The following SHROOM4 variants were observed in gnomAD, a reference collection of about 807,000 sequenced individuals.
SHROOM4 encodes shroom family member 4.
A neutral mutation model predicts 80.3 loss-of-function variants in SHROOM4; 17 were observed. The ratio of observed to expected loss-of-function variants is 0.21; its 90% CI spans 0.14 to 0.32. The LOEUF (loss-of-function observed/expected upper bound fraction) is 0.32. Among genes scored for constraint, SHROOM4 ranks in the 10% least tolerant of loss-of-function variants. The pLI, the probability that SHROOM4 is intolerant of heterozygous loss-of-function variation, is 1.00. For synonymous variants in SHROOM4, 400 were observed against 437.5 expected (o/e 0.91, Z 1.07); for missense variants, 993 against 1,140.3 (o/e 0.87, Z 1.86).
intron 1 of SHROOM4, among the ~76,000 whole-genome samples, chrX:50,708,520 T>C (rs1933732751): frequency 8.9e-6 from 1 of 112,334 alleles, no homozygotes; most frequent in Non-Finnish European, 1.9e-5. Context: ...TTTCAGCTGC[T>C]AAGGGGAGGC....
chrX:50,803,082 C>T (rs957560123), intron 1 of SHROOM4, among the ~76,000 whole-genome samples: 3 of 111,783 alleles, frequency 2.7e-5, no homozygotes, highest in African/African-American at 9.8e-5. Flanking sequence ...CCCAGCTACT[C>T]GGGAGGCTGA....
chrX:50,764,827 C>A (rs782107381), intron 1 of SHROOM4, among the ~76,000 whole-genome samples: 40 of 111,401 alleles, frequency 3.6e-4, no homozygotes, highest in Non-Finnish European at 7.0e-4. Flanking sequence ...CATTTTCATA[C>A]TGCTATGAAG....
intron 1 of SHROOM4, among the ~76,000 whole-genome samples, chrX:50,729,509 T>C (rs1569548204): frequency 1.8e-5 from 2 of 111,373 alleles, no homozygotes; most frequent in African/African-American, 6.5e-5. Context: ...GGTACACCAT[T>C]AAGCACACAA....
intron 1 of SHROOM4, among the ~76,000 whole-genome samples, chrX:50,704,363 C>G (rs782212987): frequency 1.8e-5 from 2 of 111,888 alleles, no homozygotes; most frequent in Non-Finnish European, 3.8e-5. Flanking sequence ...ATCTTTATTT[C>G]TTCAGTAACA....
At chrX:50,610,448 C>A (rs1470685792) in intron 5 of SHROOM4, among the ~76,000 whole-genome samples, 1 of 110,606 alleles carries the variant, frequency 9.0e-6, no homozygotes, top group Admixed American at 9.6e-5. Flanking sequence ...CCTTTCCTGA[C>A]TACTTTATCA....
At position 50,635,142 on chromosome X, in the gene SHROOM4, G is replaced by T. The variant is rs1557255603; in HGVS notation, c.931C>A (p.Leu311Met). 1 of 1,210,421 alleles carries T rather than the reference G, an allele frequency of 8.3e-7. No individual in the cohort carries two copies. The highest frequency in any genetic ancestry group is 1.1e-6 in the Non-Finnish European group (1 of 894,761). Reference sequence around the variant, plus strand: ...GCGGGTAGCACAGGCTCTAAGCTCAGTTTCTCCTTCTGTGGCAAGGGGACC... The same window carrying T: ...GCGGGTAGCACAGGCTCTAAGCTCATTTTCTCCTTCTGTGGCAAGGGGACC... ...PVVPLPQKEKLSLEPVLPARN... is the reference protein window; with the variant it reads ...PVVPLPQKEKMSLEPVLPARN... Residue 311 changes from leucine to methionine, a missense_variant, in exon 4 of 9, where the codon CTG becomes ATG. Transcript: ENST00000376020.
At chrX:50,614,705 T>C (rs1477250156) in intron 5 of SHROOM4, among the ~76,000 whole-genome samples, 5 of 112,194 alleles carry the variant, frequency 4.5e-5, no homozygotes, top group African/African-American at 1.6e-4. Flanking sequence ...GACCCAGTAG[T>C]TCAACTTCTA....
chrX:50,791,756 C>T (rs1456190304), intron 1 of SHROOM4, among the ~76,000 whole-genome samples: 1 of 108,613 alleles, frequency 9.2e-6, no homozygotes, highest in Non-Finnish European at 1.9e-5. Context: ...GAGGGAATTG[C>T]AAAGAACTTC....
intron 2 of SHROOM4, among the ~76,000 whole-genome samples, chrX:50,670,302 C>T (rs781814819): frequency 2.8e-5 from 3 of 106,711 alleles, no homozygotes. Flanking sequence ...ATGTTCCCCT[C>T]CCTGTGTCCA....
At chrX:50,748,036 T>A (rs1255788140) in intron 1 of SHROOM4, among the ~76,000 whole-genome samples, 1 of 112,170 alleles carries the variant, frequency 8.9e-6, no homozygotes, top group Non-Finnish European at 1.9e-5. Flanking sequence ...TGCTTTATTC[T>A]AAAGTGTCAA....
Position 50,634,625 on chromosome X carries a change from C to T in SHROOM4, c.1448G>A (p.Arg483Lys), listed in dbSNP as rs1473207542. 3.3e-6 allele frequency: 4 copies of T among 1,211,737 alleles called. No homozygotes were observed. The highest frequency in any genetic ancestry group is 4.5e-6 in the Non-Finnish European group (4 of 895,539). Residue 483 changes from arginine (R) to lysine (K), a missense_variant, in exon 4 of 9, where the codon AGG becomes AAG. By Grantham distance (26) the Arg-to-Lys change is conservative. Transcript: ENST00000376020. The stretch of plus-strand genomic sequence containing the variant: ...GCTCTGGTGTCCCAAAACTAAAGAC[C>T]TGTCATCCACTTGTCTGGTCTTTCT... ...KERKTRQVDD[R>K]SLVLGHQSQS...
intron 2 of SHROOM4, among the ~76,000 whole-genome samples, chrX:50,653,923 G>A (rs1316870326): frequency 1.8e-5 from 2 of 111,899 alleles, no homozygotes; most frequent in Admixed American, 9.5e-5. Context: ...CGACTTGATC[G>A]TGGTGGATCC....
chrX:50,798,229 C>A (rs898372375), intron 1 of SHROOM4, among the ~76,000 whole-genome samples: 20 of 111,383 alleles, frequency 1.8e-4, no homozygotes, highest in African/African-American at 6.5e-4. Flanking sequence ...ATCAGATAAA[C>A]TGGATTTTGA....
At chrX:50,762,696 G>C (rs1935185639) in intron 1 of SHROOM4, among the ~76,000 whole-genome samples, 1 of 111,628 alleles carries the variant, frequency 9.0e-6, no homozygotes, top group South Asian at 3.7e-4. Flanking sequence ...TATCCTTCAA[G>C]CACTTTGATT....
chrX:50,778,332 C>A (rs903010162), intron 1 of SHROOM4, among the ~76,000 whole-genome samples: 1 of 112,168 alleles, frequency 8.9e-6, no homozygotes, highest in Admixed American at 9.4e-5. Context: ...ACGTAGTAGA[C>A]CCTCATTGCA....
rs781803726 is a variant in SHROOM4, at chrX:50,598,441, C to T, written c.4037G>A (p.Gly1346Glu). The part of the protein sequence containing the change: ...LEDINANSAL[G>E]EEVEANLKAV... ...TTTTAAGTTGGCCTCCACCTCCTCC[C>T]CAAGGGCAGAATTGGCATTGATGTC... Residue 1346 changes from glycine (G) to glutamate (E), a missense_variant, in exon 8 of 9, where the codon GGG (glycine) becomes GAG (glutamate). Physicochemically the swap from Gly to Glu is moderately conservative, Grantham distance 98 (BLOSUM62 -2). Coordinates refer to ENST00000376020, the MANE Select transcript of SHROOM4 (RefSeq NM_020717.5). The T allele has an allele frequency of 1.1e-5, 13 of 1,208,896 alleles. No individual in the cohort carries two copies. Among genetic ancestry groups the T allele is most frequent in the Non-Finnish European group, 1.2e-5 (11 of 894,055 alleles).
At chrX:50,613,674 G>GTC (rs1930094674) in intron 5 of SHROOM4, among the ~76,000 whole-genome samples, 1 of 111,887 alleles carries the variant, frequency 8.9e-6, no homozygotes, top group African/African-American at 3.2e-5. Flanking sequence ...GCACATAAAT[G>GTC]AAAGGACTCA....
At chrX:50,677,832 A>G (rs1557261458) in intron 2 of SHROOM4, among the ~76,000 whole-genome samples, 1 of 111,580 alleles carries the variant, frequency 9.0e-6, no homozygotes, top group Non-Finnish European at 1.9e-5. Flanking sequence ...TTCCTGACCA[A>G]TTCTCCAAGT....
Position 50,754,055 on chromosome X carries a change from C to T in SHROOM4, c.118-58118G>A, listed in dbSNP as rs782603003. 2.3e-4 allele frequency among the ~76,000 whole-genome samples: 26 copies of T among 112,303 alleles called. 1 individual carries two copies. Among genetic ancestry groups the T allele is most frequent in the African/African-American group, 8.4e-4 (26 of 30,991 alleles). On this transcript the variant is annotated intron_variant, in intron 1 of 8. Coordinates refer to ENST00000376020, the MANE Select transcript of SHROOM4 (RefSeq NM_020717.5). The stretch of plus-strand genomic sequence containing the variant: ...TACCTGGCACTTAGTAAAAACTCAA[C>T]AATTGACAGGTATTCTGCCCAAAGA...
Sources: allele counts gnomAD v4.1 joint callset (sites outside exome capture counted in the v4.1 genomes callset), GRCh38; gene constraint gnomAD v4.1.1; transcripts MANE v1.5; gene names NCBI Gene and HGNC (gene_info 2026-07-23, HGNC 2026-07-21).